The following KCNIP3 variants were observed in gnomAD, a reference collection of about 807,000 sequenced individuals.
KCNIP3 encodes the protein calsenilin.
Under a neutral mutation model 35.0 loss-of-function variants are expected in KCNIP3, and 28 were observed. The observed-to-expected ratio is 0.80, with a 90% CI of 0.59 to 1.10. The LOEUF is 1.10. Ranked by LOEUF, KCNIP3 falls within the 50% of genes least tolerant of loss-of-function variation. The pLI is 0.00. For synonymous variants in KCNIP3, 134 were observed against 133.8 expected (o/e 1.00, Z -0.01); for missense variants, 295 against 338.4 (o/e 0.87, Z 1.01).
chr2:95,340,555 G>A (rs1263354821), intron 2 of KCNIP3, among the ~76,000 whole-genome samples: 1 of 152,180 alleles, frequency 6.6e-6, no homozygotes, highest in Non-Finnish European at 1.5e-5. Flanking sequence ...CCACAGTGGT[G>A]GCCTCTTTTC....
intron 1 of KCNIP3, among the ~76,000 whole-genome samples, chr2:95,301,814 C>G (rs1439512739): frequency 6.6e-6 from 1 of 152,156 alleles, no homozygotes; most frequent in East Asian, 1.9e-4. Context: ...CAGCCCAGCT[C>G]TCCTGCTCCA....
intron 3 of KCNIP3, 36 bp from the exon 4 acceptor site, chr2:95,374,812 G>A: frequency 6.2e-7 from 1 of 1,607,668 alleles, no homozygotes; most frequent in South Asian, 1.1e-5. Flanking sequence ...GGAGCTGGGG[G>A]TGGCCGAGGG....
At chr2:95,304,270 T>C (rs1015570607) in intron 1 of KCNIP3, among the ~76,000 whole-genome samples, 4 of 152,250 alleles carry the variant, frequency 2.6e-5, no homozygotes, top group African/African-American at 9.6e-5. Context: ...TGAATTCATT[T>C]AAAAGGGAAT....
At chr2:95,347,249 C>G in intron 2 of KCNIP3, 2 of 774,620 alleles carry the variant, frequency 2.6e-6, no homozygotes, top group Non-Finnish European at 4.2e-6. Flanking sequence ...CGCCCCCTCC[C>G]GGCTCCGGAG....
At chr2:95,320,136 G>C (rs2104224786) in intron 2 of KCNIP3, among the ~76,000 whole-genome samples, 1 of 152,278 alleles carries the variant, frequency 6.6e-6, no homozygotes, top group African/African-American at 2.4e-5. Flanking sequence ...TGGACCCGGA[G>C]GCGCGGCTGA....
intron 2 of KCNIP3, among the ~76,000 whole-genome samples, chr2:95,348,918 C>T (rs1679443901): frequency 6.6e-6 from 1 of 152,176 alleles, no homozygotes; most frequent in Non-Finnish European, 1.5e-5. Flanking sequence ...GATAAGAATT[C>T]CTGCTCCCTA....
chr2:95,314,940 G>A (rs1678414965), intron 2 of KCNIP3, among the ~76,000 whole-genome samples: 1 of 152,186 alleles, frequency 6.6e-6, no homozygotes, highest in Non-Finnish European at 1.5e-5. Flanking sequence ...GGGCAGCCCT[G>A]GAACCCGCAA....
intron 2 of KCNIP3, among the ~76,000 whole-genome samples, chr2:95,342,574 T>C (rs1422266997): frequency 6.6e-6 from 1 of 152,250 alleles, no homozygotes; most frequent in Non-Finnish European, 1.5e-5. Flanking sequence ...CAGGTTTAGA[T>C]GTGTCATGGG....
chr2:95,301,875 TGC>T (rs899409273), intron 1 of KCNIP3, among the ~76,000 whole-genome samples: 9 of 151,844 alleles, frequency 5.9e-5, no homozygotes, highest in Non-Finnish European at 1.2e-4. Flanking sequence ...TGTGTGTGTG[TGC>T]GCGCTCATAG....
At chr2:95,356,095 A>C (rs1233030106) in intron 2 of KCNIP3, among the ~76,000 whole-genome samples, 1 of 152,206 alleles carries the variant, frequency 6.6e-6, no homozygotes, top group African/African-American at 2.4e-5. Context: ...TCTGATGACC[A>C]GTGATGATGA....
At chr2:95,375,515 T>C (rs1339694243) in intron 5 of KCNIP3, among the ~76,000 whole-genome samples, 3 of 151,882 alleles carry the variant, frequency 2.0e-5, no homozygotes, top group African/African-American at 7.3e-5. Flanking sequence ...GGAATTTGCA[T>C]TTTCAAAGGG....
At chr2:95,314,118 C>T (rs756929116) in intron 2 of KCNIP3, among the ~76,000 whole-genome samples, 10 of 152,006 alleles carry the variant, frequency 6.6e-5, no homozygotes, top group East Asian at 5.8e-4. Flanking sequence ...GGCAACCCCA[C>T]GTAAAATCAT....
At chr2:95,362,889 T>C (rs766039224) in intron 2 of KCNIP3, among the ~76,000 whole-genome samples, 10 of 152,216 alleles carry the variant, frequency 6.6e-5, no homozygotes, top group Non-Finnish European at 1.5e-4. Flanking sequence ...ATTTTTTCAT[T>C]ATTATTATCT....
At position 95,375,133 on chromosome 2, in the gene KCNIP3, C is replaced by A. The variant is rs1446349588; in HGVS notation, c.377-5C>A. ...ACACCCCAGCCTCTTCCTTGCCCTCCCCAGATGCCACCACCTATGCACACT... is the reference window on the plus strand; with the variant it reads ...ACACCCCAGCCTCTTCCTTGCCCTCACCAGATGCCACCACCTATGCACACT... On this transcript the variant is annotated splice_polypyrimidine_tract_variant and splice_region_variant and intron_variant, in intron 4 of 8. Coordinates refer to ENST00000295225, the MANE Select transcript of KCNIP3 (RefSeq NM_013434.5). The A allele has an allele frequency of 6.2e-7, 1 of 1,614,126 alleles. No homozygotes were observed. Among genetic ancestry groups the A allele is most frequent in the Admixed American group, 1.7e-5 (1 of 60,028 alleles).
intron 1 of KCNIP3, among the ~76,000 whole-genome samples, chr2:95,304,929 G>T (rs1678132936): frequency 6.6e-6 from 1 of 152,296 alleles, no homozygotes; most frequent in East Asian, 1.9e-4. Context: ...GGCCTGCCTG[G>T]CTCACCAGCA....
intron 2 of KCNIP3, among the ~76,000 whole-genome samples, chr2:95,319,448 G>T (rs1199565444): frequency 3.3e-5 from 5 of 152,238 alleles, no homozygotes; most frequent in Non-Finnish European, 7.3e-5. Context: ...TGAAGACAGT[G>T]GACCCTGGGC....
intron 2 of KCNIP3, among the ~76,000 whole-genome samples, chr2:95,327,176 C>T (rs867932147): frequency 3.9e-5 from 6 of 152,270 alleles, no homozygotes; most frequent in South Asian, 2.1e-4. Flanking sequence ...GTCAACTGGC[C>T]GACTCCCAAG....
At chr2:95,323,628 C>T (rs62153508) in intron 2 of KCNIP3, among the ~76,000 whole-genome samples, 2,690 of 152,276 alleles carry the variant, frequency 0.018, 36 homozygotes, top group Non-Finnish European at 0.028. Flanking sequence ...GGCTCCACCG[C>T]GTTTTCTGTT....
At chr2:95,381,835 G>T in intron 6 of KCNIP3, 132 bp downstream of exon 6, 1 of 680,624 alleles carries the variant, frequency 1.5e-6, no homozygotes. Context: ...ACTGGCCCCA[G>T]GGACAGCAGC....
Sources: allele counts gnomAD v4.1 joint callset (sites outside exome capture counted in the v4.1 genomes callset), GRCh38; gene constraint gnomAD v4.1.1; transcripts MANE v1.5; gene names NCBI Gene and HGNC (gene_info 2026-07-23, HGNC 2026-07-21).